CSGALNACT1: variants seen among roughly 807,000 people sequenced by gnomAD.
The protein encoded by CSGALNACT1 is chondroitin sulfate N-acetylgalactosaminyltransferase 1, also known as beta4GalNAcT-1.
In CSGALNACT1, 52 loss-of-function variants were observed where a neutral mutation model predicts 51.0. The ratio of observed to expected loss-of-function variants is 1.02; its 90% CI spans 0.82 to 1.29. The LOEUF (loss-of-function observed/expected upper bound fraction) is 1.29. CSGALNACT1 is among the 50% of genes most tolerant of loss of function. CSGALNACT1 has a pLI of 0.00. For synonymous variants in CSGALNACT1, 341 were observed against 254.4 expected (o/e 1.34, Z -3.24); for missense variants, 935 against 679.2 (o/e 1.38, Z -4.19).
chr8:19,709,900 C>G (rs1178838383), intron 1 of CSGALNACT1, among the ~76,000 whole-genome samples: 3 of 152,156 alleles, frequency 2.0e-5, no homozygotes, highest in Non-Finnish European at 4.4e-5. Flanking sequence ...CTCCTAAAGG[C>G]CCCTACAGAA....
At position 19,540,087 on chromosome 8, in the gene CSGALNACT1, A is replaced by G. The variant is rs182384904; in HGVS notation, c.-296-33957T>C. On this transcript the variant is annotated intron_variant, in intron 3 of 9. Coordinates refer to ENST00000454498, the Ensembl canonical transcript of CSGALNACT1. Reference sequence around the variant, plus strand: ...TCATGAATTCCTAACGCTAAACAACATCATTCCAGTTGTCCCTAATCCTGA... The same window carrying G: ...TCATGAATTCCTAACGCTAAACAACGTCATTCCAGTTGTCCCTAATCCTGA... Among the ~76,000 whole-genome samples the G allele has an allele frequency of 7.9e-5, 12 of 152,250 alleles. No individual in the cohort carries two copies. The East Asian group carries it at 2.3e-3, about 29-fold the overall frequency.
chr8:19,579,537 T>C (rs911875109), intron 3 of CSGALNACT1, among the ~76,000 whole-genome samples: 1 of 152,198 alleles, frequency 6.6e-6, no homozygotes, highest in African/African-American at 2.4e-5. Context: ...TGTAATTATA[T>C]AAAAATGTAG....
rs150416183 is a variant in CSGALNACT1, at chr8:19,698,203, G to A, written c.-297+59647C>T. 1.9e-4 allele frequency among the ~76,000 whole-genome samples: 29 copies of A among 152,242 alleles called. 1 individual carries two copies. In the East Asian group the frequency reaches 5.2e-3, roughly 27 times the overall value. ...TTAAAAAATAAGAAATTTGTCCAAG[G>A]TCCCTCAACCAGAAAGTCAGAAAGC... is the stretch of plus-strand genomic sequence containing the variant. On this transcript the variant is annotated intron_variant, in intron 1 of 1. Transcript: ENST00000517494.
At chr8:19,627,240 C>T (rs1463227273) in intron 1 of CSGALNACT1, among the ~76,000 whole-genome samples, 1 of 152,104 alleles carries the variant, frequency 6.6e-6, no homozygotes, top group South Asian at 2.1e-4. Flanking sequence ...CACTAATACA[C>T]AAACCAGATG....
chr8:19,499,298 G>A (rs1428327591), intron 4 of CSGALNACT1, among the ~76,000 whole-genome samples: 1 of 152,038 alleles, frequency 6.6e-6, no homozygotes, highest in Non-Finnish European at 1.5e-5. Flanking sequence ...TGTCATAACT[G>A]TCTTTTAAAG....
At chr8:19,455,805 G>A (rs115418967) in intron 5 of CSGALNACT1, among the ~76,000 whole-genome samples, 350 of 152,294 alleles carry the variant, frequency 2.3e-3, no homozygotes, top group African/African-American at 7.7e-3. Flanking sequence ...CTGCCACAGC[G>A]CCTGGCTCTG....
intron 2 of CSGALNACT1, among the ~76,000 whole-genome samples, chr8:19,597,613 T>C (rs1489049638): frequency 6.6e-6 from 1 of 152,170 alleles, no homozygotes; most frequent in Non-Finnish European, 1.5e-5. Flanking sequence ...CCTTCACTTA[T>C]TTTTAAACAA....
intron 3 of CSGALNACT1, among the ~76,000 whole-genome samples, chr8:19,579,078 G>C (rs188963460): frequency 2.8e-4 from 42 of 152,224 alleles, no homozygotes; most frequent in Admixed American, 2.6e-3. Context: ...ATGAACTTGA[G>C]CCTATCCACC....
At chr8:19,596,868 T>G (rs2049013803) in intron 2 of CSGALNACT1, among the ~76,000 whole-genome samples, 1 of 152,216 alleles carries the variant, frequency 6.6e-6, no homozygotes, top group Admixed American at 6.5e-5. Context: ...CATTTTTAAG[T>G]ATACAGTCCA....
intron 1 of CSGALNACT1, among the ~76,000 whole-genome samples, chr8:19,636,865 G>T (rs573615427): frequency 2.6e-5 from 4 of 152,230 alleles, no homozygotes; most frequent in East Asian, 1.9e-4. Flanking sequence ...ACTGAAGAAA[G>T]CAAGGACATG....
intron 4 of CSGALNACT1, among the ~76,000 whole-genome samples, chr8:19,496,881 A>C (rs1045229865): frequency 3.3e-5 from 5 of 152,192 alleles, no homozygotes; most frequent in South Asian, 4.1e-4. Context: ...GGTGCTAATA[A>C]AAATGATCAG....
chr8:19,632,670 C>T (rs1007926307), intron 1 of CSGALNACT1, among the ~76,000 whole-genome samples: 3 of 152,186 alleles, frequency 2.0e-5, no homozygotes, highest in African/African-American at 7.2e-5. Context: ...CTGAAATACT[C>T]ACATCTCAGC....
Position 19,656,329 on chromosome 8 carries a change from T to C in CSGALNACT1, c.-544+26144A>G, listed in dbSNP as rs149822643. Among the ~76,000 whole-genome samples, 328 of 152,256 alleles carry C rather than the reference T, an allele frequency of 2.2e-3. 2 individuals are homozygous for C. Among genetic ancestry groups the C allele is most frequent in the African/African-American group, 7.4e-3 (309 of 41,558 alleles). Reference sequence around the variant, plus strand: ...CTGGAATCAAAACCTAGCCCTCATATAGGACCTCTAGTCCAATTCACCATT... The same window carrying C: ...CTGGAATCAAAACCTAGCCCTCATACAGGACCTCTAGTCCAATTCACCATT... On this transcript the variant is annotated intron_variant, in intron 1 of 9. Transcript: ENST00000332246.
chr8:19,446,970 G>T (rs1253288296), intron 5 of CSGALNACT1, among the ~76,000 whole-genome samples: 2 of 152,280 alleles, frequency 1.3e-5, no homozygotes, highest in East Asian at 3.9e-4. Flanking sequence ...TAATTAAGAT[G>T]TATTTCCTAT....
chr8:19,546,123 GTCAAT>G (rs1211640162), intron 3 of CSGALNACT1, among the ~76,000 whole-genome samples: 4 of 151,914 alleles, frequency 2.6e-5, no homozygotes, highest in African/African-American at 9.7e-5. Flanking sequence ...ATTTTACACA[GTCAAT>G]TCAATAGCAC....
Position 19,534,768 on chromosome 8 carries a change from C to T in CSGALNACT1, c.-296-28638G>A, listed in dbSNP as rs150213805. On this transcript the variant is annotated intron_variant, in intron 3 of 9. Transcript: ENST00000454498. The stretch of plus-strand genomic sequence containing the variant: ...GACAGTTTAAAGAGGCGTAAAAATG[C>T]CTAGAAGAAATAAAATAATCGTCAT... Among the ~76,000 whole-genome samples the T allele has an allele frequency of 3.0e-3, 463 of 152,262 alleles. 3 individuals carry two copies. The highest frequency in any genetic ancestry group is 0.011 in the African/African-American group (449 of 41,552).
At chr8:19,690,950 G>A (rs1479022123) in intron 1 of CSGALNACT1, among the ~76,000 whole-genome samples, 2 of 152,116 alleles carry the variant, frequency 1.3e-5, no homozygotes, top group African/African-American at 4.8e-5. Context: ...CATGGCACTG[G>A]GCACTGTGGC....
intron 4 of CSGALNACT1, among the ~76,000 whole-genome samples, chr8:19,465,096 AC>A (rs2066370738): frequency 6.6e-6 from 1 of 151,926 alleles, no homozygotes; most frequent in African/African-American, 2.4e-5. Context: ...AACAACTCAC[AC>A]CCCCATCAAC....
chr8:19,697,911 G>C (rs2061664613), intron 1 of CSGALNACT1, among the ~76,000 whole-genome samples: 1 of 152,174 alleles, frequency 6.6e-6, no homozygotes, highest in African/African-American at 2.4e-5. Context: ...TATTGAAAGG[G>C]GAAAGAGATG....
Sources: allele counts gnomAD v4.1 joint callset (sites outside exome capture counted in the v4.1 genomes callset), GRCh38; gene constraint gnomAD v4.1.1; transcripts MANE v1.5; gene names NCBI Gene and HGNC (gene_info 2026-07-23, HGNC 2026-07-21).